The following SUMF1 variants were observed in gnomAD, a reference collection of about 807,000 sequenced individuals.
SUMF1 encodes the protein sulfatase modifying factor 1, also known as formylglycine-generating enzyme.
Under a neutral mutation model 47.6 loss-of-function variants are expected in SUMF1, and 48 were observed. That is an observed-to-expected ratio of 1.01 (90% CI 0.80 to 1.28). The LOEUF (loss-of-function observed/expected upper bound fraction) is 1.28, where lower values mean the gene tolerates loss of function less well. Ranked by LOEUF, SUMF1 falls within the 50% of genes most tolerant of loss-of-function variation. The pLI, the probability that SUMF1 is intolerant of heterozygous loss-of-function variation, is 0.00. For missense variants in SUMF1, 571 were observed against 485.4 expected (o/e 1.18, Z -1.66); for synonymous variants, 230 against 192.1 (o/e 1.20, Z -1.63).
At chr3:4,298,869 T>C (rs1458446103) in intron 8 of SUMF1, among the ~76,000 whole-genome samples, 1 of 152,182 alleles carries the variant, frequency 6.6e-6, no homozygotes, top group Non-Finnish European at 1.5e-5. Context: ...ACAAACCTTA[T>C]CTCCAGCCAA....
At chr3:4,414,322 C>G in intron 6 of SUMF1, among the ~76,000 whole-genome samples, 1 of 152,162 alleles carries the variant, frequency 6.6e-6, no homozygotes, top group Non-Finnish European at 1.5e-5. Flanking sequence ...CAGAGCAGGA[C>G]CCTGTCTCAA....
At chr3:4,323,235 T>C (rs1246651706) in intron 8 of SUMF1, among the ~76,000 whole-genome samples, 2 of 148,646 alleles carry the variant, frequency 1.3e-5, no homozygotes, top group Non-Finnish European at 3.0e-5. Context: ...AAAATGCCCT[T>C]GATATGGATG....
At chr3:4,421,652 T>A (rs1302187642) in intron 3 of SUMF1, among the ~76,000 whole-genome samples, 1 of 152,118 alleles carries the variant, frequency 6.6e-6, no homozygotes, top group African/African-American at 2.4e-5. Flanking sequence ...GCTAAATTTT[T>A]TGTATTTTTT....
chr3:4,189,943 A>G (rs1320920551), intron 8 of SUMF1, among the ~76,000 whole-genome samples: 2 of 152,080 alleles, frequency 1.3e-5, no homozygotes, highest in African/African-American at 4.8e-5. Context: ...TGCAAAATCA[A>G]TTTTCCTTGC....
intron 8 of SUMF1, among the ~76,000 whole-genome samples, chr3:4,157,681 T>G (rs1694485747): frequency 6.6e-6 from 1 of 151,540 alleles, no homozygotes; most frequent in African/African-American, 2.4e-5. Flanking sequence ...ATAGCTCTGC[T>G]TATCTCTATA....
chr3:4,180,937 C>A (rs1695083078), intron 8 of SUMF1, among the ~76,000 whole-genome samples: 1 of 152,114 alleles, frequency 6.6e-6, no homozygotes, highest in South Asian at 2.1e-4. Context: ...TTTGAGAACA[C>A]AAGGAAAAAC....
At chr3:4,250,114 C>T (rs1489181269) in intron 8 of SUMF1, among the ~76,000 whole-genome samples, 1 of 151,514 alleles carries the variant, frequency 6.6e-6, no homozygotes, top group Non-Finnish European at 1.5e-5. Context: ...ACACAGGAGG[C>T]AGAGGTTAGT....
Position 4,418,096 on chromosome 3 carries a change from A to G in SUMF1, c.639T>C (p.Asp213=). The change falls in exon 5 of 9, where the codon GAT becomes GAC. Residue 213 remains aspartate (D), a synonymous_variant. Coordinates refer to ENST00000272902, the MANE Select transcript of SUMF1 (RefSeq NM_182760.4). ...DHPVLHVSWN[D]AVAYCTWAGK... The stretch of plus-strand genomic sequence containing the variant: ...CTGCCCAAGTGCAGTAGGCAACCGC[A>G]TCATTCCAGGACACATGGAGAACTG... 6.2e-7 allele frequency: 1 copy of G among 1,614,116 alleles called. No homozygotes were observed. Among genetic ancestry groups the G allele is most frequent in the Non-Finnish European group, 8.5e-7 (1 of 1,180,020 alleles).
chr3:4,044,152 T>C (rs1694964396), intron 9 of SUMF1, among the ~76,000 whole-genome samples: 1 of 152,058 alleles, frequency 6.6e-6, no homozygotes, highest in African/African-American at 2.4e-5. Context: ...AGAAAATAAA[T>C]AAAAATGCCC....
At chr3:4,186,027 G>A (rs1023796098) in intron 8 of SUMF1, among the ~76,000 whole-genome samples, 1 of 152,096 alleles carries the variant, frequency 6.6e-6, no homozygotes, top group African/African-American at 2.4e-5. Flanking sequence ...CCTTTCCTAT[G>A]GACAGTATCT....
intron 8 of SUMF1, among the ~76,000 whole-genome samples, chr3:4,133,823 T>A (rs1693850943): frequency 6.6e-6 from 1 of 152,094 alleles, no homozygotes; most frequent in African/African-American, 2.4e-5. Context: ...ATATCTATTC[T>A]ATTAGTTCTG....
At chr3:4,121,552 T>A (rs576884386) in intron 8 of SUMF1, among the ~76,000 whole-genome samples, 21 of 152,272 alleles carry the variant, frequency 1.4e-4, no homozygotes, top group African/African-American at 5.1e-4. Context: ...TTGAGGCTCC[T>A]TGTAGCCTGT....
chr3:4,307,799 G>C (rs745811784), intron 8 of SUMF1, among the ~76,000 whole-genome samples: 2 of 152,144 alleles, frequency 1.3e-5, no homozygotes, highest in Non-Finnish European at 2.9e-5. Context: ...CCCTTTTGGA[G>C]GCCAAGGCGG....
chr3:4,313,990 C>T, intron 8 of SUMF1: 1 of 766,928 alleles, frequency 1.3e-6, no homozygotes, highest in East Asian at 2.7e-5. Context: ...AGTGACTGTT[C>T]TAGTTAATAG....
intron 8 of SUMF1, among the ~76,000 whole-genome samples, chr3:4,129,715 T>C (rs1297129775): frequency 6.6e-6 from 1 of 152,184 alleles, no homozygotes; most frequent in African/African-American, 2.4e-5. Context: ...GGGGAAATAC[T>C]GAACACTGGC....
At chr3:4,428,553 T>C (rs963385089) in intron 3 of SUMF1, among the ~76,000 whole-genome samples, 2 of 152,086 alleles carry the variant, frequency 1.3e-5, no homozygotes, top group African/African-American at 4.8e-5. Context: ...GGAGTCTCGC[T>C]ACATTGCCTA....
At chr3:4,088,996 G>T (rs762117179) in intron 8 of SUMF1, among the ~76,000 whole-genome samples, 6 of 152,088 alleles carry the variant, frequency 3.9e-5, no homozygotes, top group African/African-American at 1.5e-4. Flanking sequence ...CTCTCAAGGA[G>T]CCCACAGTCC....
intron 8 of SUMF1, among the ~76,000 whole-genome samples, chr3:4,241,232 C>T (rs1696530740): frequency 6.6e-6 from 1 of 152,158 alleles, no homozygotes; most frequent in Admixed American, 6.6e-5. Context: ...GGATCTTCAA[C>T]TTCTAAAACC....
intron 8 of SUMF1, among the ~76,000 whole-genome samples, chr3:4,339,600 C>G (rs754076996): frequency 7.2e-5 from 11 of 152,100 alleles, no homozygotes; most frequent in Non-Finnish European, 1.5e-4. Context: ...TCTGCATCAA[C>G]CAGTCAGTGG....
Sources: allele counts gnomAD v4.1 joint callset (sites outside exome capture counted in the v4.1 genomes callset), GRCh38; gene constraint gnomAD v4.1.1; transcripts MANE v1.5; gene names NCBI Gene and HGNC (gene_info 2026-07-23, HGNC 2026-07-21).